The following ZNF138 variants were observed in gnomAD, a reference collection of about 807,000 sequenced individuals.
ZNF138 encodes zinc finger protein 138, also known as zinc finger protein 138 (clone pHZ-32).
A neutral mutation model predicts 33.0 loss-of-function variants in ZNF138; 33 were observed. That is an observed-to-expected ratio of 1.00 (90% CI 0.76 to 1.34). ZNF138 has a LOEUF of 1.34. ZNF138 is among the 40% of genes most tolerant of loss of function. The pLI is 0.00. For synonymous variants in ZNF138, 139 were observed against 120.4 expected (o/e 1.15, Z -1.01); for missense variants, 360 against 370.8 (o/e 0.97, Z 0.24).
chr7:64,852,986 A>G, the ZNF138 span: 2 of 1,449,520 alleles, frequency 1.4e-6, no homozygotes, highest in Non-Finnish European at 1.9e-6. Flanking sequence ...GACTCCAAGG[A>G]GCATCAGCAT....
chr7:64,814,392 CATGTG>C (rs1403473500), intron 1 of ZNF138, among the ~76,000 whole-genome samples: 1 of 152,122 alleles, frequency 6.6e-6, no homozygotes, highest in Non-Finnish European at 1.5e-5. Context: ...AGAAGAGTAC[CATGTG>C]TATGCTGATT....
At position 64,794,500 on chromosome 7, in the gene ZNF138, CTG is replaced by C; in HGVS notation, c.-66_-65del. 2 of 1,608,572 alleles carry C rather than the reference CTG, an allele frequency of 1.2e-6. No homozygotes were observed. Among genetic ancestry groups the C allele is most frequent in the Non-Finnish European group, 1.7e-6 (2 of 1,176,298 alleles). On this transcript the variant is annotated 5_prime_UTR_variant, in exon 1 of 4. Coordinates refer to ENST00000307355, the MANE Select transcript of ZNF138 (RefSeq NM_001271639.2). Reference sequence around the variant, plus strand: ...CCTCTTACTCCTAGAGGCCCAGCCTCTGTGGCGCTGTGATCTGGTTATTGGGA... The same window carrying C: ...CCTCTTACTCCTAGAGGCCCAGCCTCTGGCGCTGTGATCTGGTTATTGGGA...
chr7:64,854,794 G>GATT, the ZNF138 span, among the ~76,000 whole-genome samples: 1 of 152,110 alleles, frequency 6.6e-6, no homozygotes, highest in Admixed American at 6.5e-5. Context: ...CTGGCTAAAG[G>GATT]ATTTGAAGAG....
chr7:64,854,202 T>A, the ZNF138 span, among the ~76,000 whole-genome samples: 2 of 152,198 alleles, frequency 1.3e-5, no homozygotes, highest in Non-Finnish European at 2.9e-5. Context: ...TACTATACTG[T>A]AATAAAATAT....
In ZNF138 at chr7:64,833,554, A is replaced by G. The variant is rs1790263853; in HGVS notation, c.*1352A>G. 1 of 156,610 alleles carries G rather than the reference A, an allele frequency of 6.4e-6. No homozygotes were observed. Among genetic ancestry groups the G allele is most frequent in the African/African-American group, 2.4e-5 (1 of 41,500 alleles). 9.7% of individuals were successfully genotyped at this position (156,610 alleles called of 1,614,324 possible). On this transcript the variant is annotated 3_prime_UTR_variant, in exon 4 of 4. Transcript: ENST00000307355. ...CCTTATTGCACAGGAAAGCATTTAT[A>G]CTTCAGAAAATGTTGTACTGATATA...
chr7:64,853,017 C>A, the ZNF138 span: 1 of 1,496,314 alleles, frequency 6.7e-7, no homozygotes, highest in Non-Finnish European at 9.3e-7. Flanking sequence ...TCTGTGACCC[C>A]CATTGCGTAG....
intron 3 of ZNF138, among the ~76,000 whole-genome samples, chr7:64,816,055 G>T (rs890764661): frequency 1.3e-5 from 2 of 151,822 alleles, no homozygotes; most frequent in East Asian, 1.9e-4. Context: ...TTCCATTGTG[G>T]TTTTTTTGTT....
the ZNF138 span, among the ~76,000 whole-genome samples, chr7:64,847,700 T>C: frequency 6.6e-6 from 1 of 152,178 alleles, no homozygotes; most frequent in African/African-American, 2.4e-5. Context: ...TCTATTTGCA[T>C]GGAATGTTTT....
At position 64,831,598 on chromosome 7, in the gene ZNF138, G is replaced by A. The variant is rs10949946; in HGVS notation, c.356G>A (p.Gly119Glu). Residue 119 changes from glycine to glutamate, a missense_variant, in exon 4 of 4, where the codon GGA becomes GAA. Transcript: ENST00000307355. ...TGTAAAAGTGTGGATGAGTGTAAGG[G>A]ACACCAAGGAGGTTTTAATGGACTT... ...KGCKSVDECKGHQGGFNGLNQ... is the reference protein window; with the variant it reads ...KGCKSVDECKEHQGGFNGLNQ... The A allele has an allele frequency of 0.43, 701,115 of 1,612,644 alleles. 156,702 individuals are homozygous for A. Among genetic ancestry groups the A allele is most frequent in the Middle Eastern group, 0.46 (2,809 of 6,052 alleles).
rs1375541641 is a variant in ZNF138, at chr7:64,812,845, AT to A, written c.4-2071del. Reference sequence around the variant, plus strand: ...GAGAAGAAGGAGAAAGGGGAAAAAAATTGCCTTTTTTTTTTTTTTTTTTAGC... The same window carrying A: ...GAGAAGAAGGAGAAAGGGGAAAAAAATGCCTTTTTTTTTTTTTTTTTTAGC... On this transcript the variant is annotated intron_variant, in intron 1 of 3. Coordinates refer to ENST00000307355, the MANE Select transcript of ZNF138 (RefSeq NM_001271639.2). Among the ~76,000 whole-genome samples, 2 of 80,276 alleles carry A rather than the reference AT, an allele frequency of 2.5e-5. 1 individual carries two copies. The allele number at this position is 80,276 out of a possible 152,430, so 52.7% of individuals were successfully genotyped here.
chr7:64,818,685 G>T (rs1261326753), intron 3 of ZNF138, among the ~76,000 whole-genome samples: 15 of 138,108 alleles, frequency 1.1e-4, no homozygotes, highest in Admixed American at 1.0e-3. Flanking sequence ...GGGAGGCAGA[G>T]GTTGTGGTGA....
At chr7:64,818,468 T>G (rs1189987198) in intron 3 of ZNF138, among the ~76,000 whole-genome samples, 1 of 152,120 alleles carries the variant, frequency 6.6e-6, no homozygotes, top group African/African-American at 2.4e-5. Flanking sequence ...AAATGCTTGT[T>G]GAGCCGGATG....
chr7:64,799,638 TTTTG>T (rs1027092876), intron 1 of ZNF138, among the ~76,000 whole-genome samples: 18 of 151,924 alleles, frequency 1.2e-4, no homozygotes, highest in East Asian at 7.8e-4. Flanking sequence ...GTGTTTTTAT[TTTTG>T]TTTGTTTATT....
rs1323709091 is a variant in ZNF138 at position 64,809,790 on chromosome 7, C to G, written c.4-5128C>G. ...CTCACCTCCCAGACGGGGTCGCGGC[C>G]GGGCAGAGGTGCTCCTCACATCCCA... On this transcript the variant is annotated intron_variant, in intron 1 of 3. Transcript: ENST00000307355. Among the ~76,000 whole-genome samples the G allele has an allele frequency of 4.4e-5, 6 of 137,458 alleles. No individual in the cohort carries two copies. The South Asian group carries it at 1.3e-3, about 29-fold the overall frequency. The allele number at this position is 137,458 out of a possible 152,430, so 90.2% of individuals were successfully genotyped here.
chr7:64,852,212 A>G, the ZNF138 span, among the ~76,000 whole-genome samples: 289 of 152,364 alleles, frequency 1.9e-3, 2 homozygotes, highest in Non-Finnish European at 3.6e-3. Flanking sequence ...ATCTTCAGTT[A>G]ATGTGACAGG....
chr7:64,814,266 C>A, intron 1 of ZNF138: 2 of 383,734 alleles, frequency 5.2e-6, no homozygotes, highest in Non-Finnish European at 7.9e-6. Context: ...TACCTTTTAA[C>A]TCAACGTGCC....
At chr7:64,847,071 C>G in the ZNF138 span, among the ~76,000 whole-genome samples, 2 of 151,974 alleles carry the variant, frequency 1.3e-5, no homozygotes, top group Admixed American at 1.3e-4. Flanking sequence ...TTTATTGACT[C>G]CACATGTTAA....
chr7:64,838,028 G>A (rs1790412140), downstream of ZNF138, among the ~76,000 whole-genome samples: 1 of 152,094 alleles, frequency 6.6e-6, no homozygotes, highest in Non-Finnish European at 1.5e-5. Context: ...AGGAGGGGCG[G>A]CTGGGTCTGC....
intron 3 of ZNF138, among the ~76,000 whole-genome samples, chr7:64,818,029 T>A (rs1384507605): frequency 1.3e-5 from 2 of 150,472 alleles, no homozygotes; most frequent in Admixed American, 1.3e-4. Flanking sequence ...AGTCTCACTC[T>A]GCACCCAGGC....
Sources: allele counts gnomAD v4.1 joint callset (sites outside exome capture counted in the v4.1 genomes callset), GRCh38; gene constraint gnomAD v4.1.1; transcripts MANE v1.5; gene names NCBI Gene and HGNC (gene_info 2026-07-23, HGNC 2026-07-21).